Variants in DCC observed in about 807,000 individuals in gnomAD.
DCC encodes netrin receptor DCC.
In DCC, 58 loss-of-function variants were observed where a neutral mutation model predicts 172.5. The ratio of observed to expected loss-of-function variants is 0.34; its 90% CI spans 0.27 to 0.42. The LOEUF (loss-of-function observed/expected upper bound fraction) is 0.42. DCC is among the 10% of genes least tolerant of loss of function. DCC has a pLI of 1.00. For missense variants in DCC, 1,740 were observed against 1,791.0 expected, an observed-to-expected ratio of 0.97 and a Z score of 0.51; for synonymous variants, 709 against 644.5, an observed-to-expected ratio of 1.10 and a Z score of -1.52.
chr18:52,998,016 C>T (rs969534114), intron 5 of DCC, among the ~76,000 whole-genome samples: 19 of 152,044 alleles, frequency 1.2e-4, no homozygotes, highest in African/African-American at 4.6e-4. Flanking sequence ...CTATTTATCA[C>T]CATATAGGCC....
At chr18:53,120,690 A>G (rs1465606019) in intron 7 of DCC, among the ~76,000 whole-genome samples, 1 of 151,820 alleles carries the variant, frequency 6.6e-6, no homozygotes, top group Admixed American at 6.6e-5. Context: ...AAATTATTTT[A>G]AATGCTGTCT....
intron 1 of DCC, among the ~76,000 whole-genome samples, chr18:52,668,049 A>C (rs75879433): frequency 0.015 from 2,153 of 140,082 alleles, 45 homozygotes; most frequent in East Asian, 0.11. Context: ...AAGGAAAAAA[A>C]AACAACAACA....
intron 2 of DCC, among the ~76,000 whole-genome samples, chr18:52,845,372 G>T (rs1335909056): frequency 2.0e-5 from 3 of 152,282 alleles, no homozygotes; most frequent in African/African-American, 7.2e-5. Flanking sequence ...TATCCCACTG[G>T]ATGATCTCAG....
chr18:52,824,976 A>G (rs1003068815), intron 2 of DCC, among the ~76,000 whole-genome samples: 1 of 151,794 alleles, frequency 6.6e-6, no homozygotes, highest in Admixed American at 6.6e-5. Context: ...TCATATATAT[A>G]TATATATGTC....
intron 8 of DCC, 100 bp downstream of exon 8, chr18:53,157,612 G>A: frequency 1.6e-6 from 2 of 1,259,174 alleles, no homozygotes; most frequent in Non-Finnish European, 1.1e-6. Flanking sequence ...GAACTTTGGA[G>A]AGGCTGTGAA....
chr18:52,887,889 C>G (rs1219369283), intron 2 of DCC, among the ~76,000 whole-genome samples: 1 of 152,054 alleles, frequency 6.6e-6, no homozygotes, highest in Non-Finnish European at 1.5e-5. Context: ...AGTAGGAGAC[C>G]TTTCTTATGG....
chr18:52,765,692 T>C (rs1201411212), intron 2 of DCC, among the ~76,000 whole-genome samples: 1 of 152,150 alleles, frequency 6.6e-6, no homozygotes, highest in East Asian at 1.9e-4. Flanking sequence ...ACACAGACCA[T>C]GTTACATTTG....
chr18:52,564,187 G>T (rs1278798359), intron 1 of DCC, among the ~76,000 whole-genome samples: 1 of 152,142 alleles, frequency 6.6e-6, no homozygotes, highest in African/African-American at 2.4e-5. Context: ...AGGATTCAGG[G>T]TTCCAAAAGT....
chr18:53,506,930 C>T (rs970615942), intron 27 of DCC, among the ~76,000 whole-genome samples: 1 of 151,724 alleles, frequency 6.6e-6, no homozygotes, highest in Non-Finnish European at 1.5e-5. Context: ...ACTAGTCTCT[C>T]CATCATGCCA....
chr18:52,972,517 C>CTTT (rs34383367), intron 5 of DCC, among the ~76,000 whole-genome samples: 1 of 138,820 alleles, frequency 7.2e-6, no homozygotes, highest in East Asian at 2.1e-4. Context: ...AAATTTCTTG[C>CTTT]TTTTTTTTTT....
intron 3 of DCC, among the ~76,000 whole-genome samples, chr18:52,918,407 G>T (rs73458967): frequency 0.014 from 2,107 of 152,096 alleles, 49 homozygotes; most frequent in East Asian, 0.044. Flanking sequence ...ACATCTCCCA[G>T]GGCCTTTTAA....
chr18:53,524,000 A>G (rs969788024), intron 27 of DCC, among the ~76,000 whole-genome samples: 1 of 152,002 alleles, frequency 6.6e-6, no homozygotes, highest in African/African-American at 2.4e-5. Context: ...AGGTGAGAGG[A>G]TTGAGGAGAT....
At chr18:53,354,321 C>G (rs1288285426) in intron 15 of DCC, among the ~76,000 whole-genome samples, 1 of 152,136 alleles carries the variant, frequency 6.6e-6, no homozygotes, top group Non-Finnish European at 1.5e-5. Flanking sequence ...AGTTCTAGAT[C>G]CCTGAGGAAT....
intron 2 of DCC, among the ~76,000 whole-genome samples, chr18:52,822,712 T>A (rs1198305268): frequency 6.6e-6 from 1 of 152,162 alleles, no homozygotes; most frequent in East Asian, 1.9e-4. Flanking sequence ...CAGATGAAAA[T>A]CCTGGTTTTT....
At chr18:53,229,962 T>A (rs901021507) in intron 12 of DCC, among the ~76,000 whole-genome samples, 2 of 152,156 alleles carry the variant, frequency 1.3e-5, no homozygotes, top group African/African-American at 4.8e-5. Flanking sequence ...ATAGACTAGA[T>A]CCAAATAATT....
At position 53,279,651 on chromosome 18, in the gene DCC, A is replaced by T. The variant is rs748587489; in HGVS notation, c.1912-25927A>T. ...ACCCTAAAACTTAAAGTATAATAAA[A>T]AAAAAAAAAAAAACCTGTGACTTAA... is the stretch of plus-strand genomic sequence containing the variant. On this transcript the variant is annotated intron_variant, in intron 12 of 28. Coordinates refer to ENST00000442544, the MANE Select transcript of DCC (RefSeq NM_005215.4). 5.7e-3 allele frequency among the ~76,000 whole-genome samples: 829 copies of T among 144,994 alleles called. 2 individuals carry two copies. The highest frequency in any genetic ancestry group is 8.6e-3 in the Non-Finnish European group (581 of 67,722).
chr18:52,631,118 G>A (rs1029966617), intron 1 of DCC, among the ~76,000 whole-genome samples: 1 of 152,176 alleles, frequency 6.6e-6, no homozygotes, highest in African/African-American at 2.4e-5. Flanking sequence ...AGGGGAGCAA[G>A]TGAGCATTAT....
chr18:52,813,972 C>T (rs1219721269), intron 2 of DCC, among the ~76,000 whole-genome samples: 1 of 152,194 alleles, frequency 6.6e-6, no homozygotes, highest in African/African-American at 2.4e-5. Context: ...CACATAGGCT[C>T]TCCTGGGTCT....
Position 53,526,705 on chromosome 18 carries a change from A to T in DCC, c.4200A>T (p.Pro1400=). The T allele has an allele frequency of 1.2e-6, 2 of 1,613,558 alleles. No individual in the cohort carries two copies. The highest frequency in any genetic ancestry group is 1.7e-6 in the Non-Finnish European group (2 of 1,179,704). Residue 1400 remains proline, a synonymous_variant, in exon 28 of 29, where the codon CCA becomes CCT. Coordinates refer to ENST00000442544, the MANE Select transcript of DCC (RefSeq NM_005215.4). Reference sequence around the variant, plus strand: ...CCCCTTTGCTTCCTGTGTCTGTGCCAACAGCCCCTGAAGTGTCTGAGGAGA... The same window carrying T: ...CCCCTTTGCTTCCTGTGTCTGTGCCTACAGCCCCTGAAGTGTCTGAGGAGA... ...ARSPLLPVSV[P]TAPEVSEESH...
Sources: allele counts gnomAD v4.1 joint callset (sites outside exome capture counted in the v4.1 genomes callset), GRCh38; gene constraint gnomAD v4.1.1; transcripts MANE v1.5; gene names NCBI Gene and HGNC (gene_info 2026-07-23, HGNC 2026-07-21).